Variants in EEA1 observed in about 807,000 individuals in gnomAD.
EEA1 encodes the protein early endosome antigen 1, also known as early endosome antigen 1, 162kD.
A neutral mutation model predicts 209.2 loss-of-function variants in EEA1; 111 were observed. The observed-to-expected ratio is 0.53, with a 90% confidence interval of 0.45 to 0.62. EEA1 has a LOEUF of 0.62. Among genes scored for constraint, EEA1 ranks in the 20% least tolerant of loss-of-function variants. The probability of loss-of-function intolerance (pLI) is 0.00; values close to 1 mark genes in which losing one functional copy is unlikely to be tolerated. For synonymous variants in EEA1, 536 were observed against 540.6 expected, an observed-to-expected ratio of 0.99 and a Z score of 0.12; for missense variants, 1,343 against 1,530.8, an observed-to-expected ratio of 0.88 and a Z score of 2.05.
chr12:92,831,913 G>A (rs1038325885), intron 11 of EEA1, among the ~76,000 whole-genome samples: 19 of 148,824 alleles, frequency 1.3e-4, no homozygotes, highest in Non-Finnish European at 3.0e-5. Flanking sequence ...GTGAAACCCC[G>A]TCTCTACTAA....
chr12:92,925,198 A>AC (rs1392594665), intron 1 of EEA1, among the ~76,000 whole-genome samples: 2 of 151,062 alleles, frequency 1.3e-5, no homozygotes, highest in Non-Finnish European at 3.0e-5. Context: ...AAAAAAAAAA[A>AC]CACTAATCAC....
chr12:92,829,509 T>G (rs971568843), intron 11 of EEA1, among the ~76,000 whole-genome samples: 3 of 152,206 alleles, frequency 2.0e-5, no homozygotes, highest in Middle Eastern at 3.4e-3. Flanking sequence ...CTGGGCGCGG[T>G]GGCTCATGCC....
intron 3 of EEA1, among the ~76,000 whole-genome samples, chr12:92,860,464 A>G (rs899173266): frequency 1.3e-5 from 2 of 152,140 alleles, no homozygotes; most frequent in Non-Finnish European, 2.9e-5. Context: ...AACATTTTCT[A>G]ATTGCTTATT....
chr12:92,804,983 C>T (rs1875125726), intron 18 of EEA1, among the ~76,000 whole-genome samples: 2 of 152,142 alleles, frequency 1.3e-5, no homozygotes, highest in South Asian at 4.1e-4. Context: ...GGTTTTCCTA[C>T]CCCAATAGGA....
chr12:92,928,969 G>A, intron 1 of EEA1, 74 bp downstream of exon 1: 1 of 1,498,234 alleles, frequency 6.7e-7, no homozygotes, highest in Non-Finnish European at 9.0e-7. Flanking sequence ...GCTGAGGAGG[G>A]GCGCCCGCGC....
intron 2 of EEA1, chr12:92,884,759 C>T (rs1255562201): frequency 5.3e-6 from 6 of 1,141,744 alleles, no homozygotes; most frequent in African/African-American, 1.5e-5. Flanking sequence ...AGGGAAGCTA[C>T]AGGTTACAAC....
rs371854406 is a variant in EEA1, at chr12:92,851,168, T to C, written c.741A>G (p.Glu247=). 6 of 1,613,826 alleles carry C rather than the reference T, an allele frequency of 3.7e-6. No homozygotes were observed. In the African/African-American group the frequency reaches 6.7e-5, roughly 18 times the overall value. ...TGCATTCATCTTTGAGTTTTTCAGA[T>C]TCTCGCTCACGTTCCAAGGTCATGT... ...MDNMTLERER[E]SEKLKDECKK... Residue 247 remains glutamate (E), a synonymous_variant, in exon 9 of 29, where the codon GAA becomes GAG. Transcript: ENST00000322349.
intron 21 of EEA1, among the ~76,000 whole-genome samples, chr12:92,789,861 T>A (rs1272111154): frequency 1.3e-5 from 2 of 152,184 alleles, no homozygotes; most frequent in Admixed American, 6.5e-5. Context: ...GGGAGACACC[T>A]CCCAATAGGG....
At chr12:92,785,136 C>G (rs1801357557) in intron 22 of EEA1, among the ~76,000 whole-genome samples, 1 of 151,704 alleles carries the variant, frequency 6.6e-6, no homozygotes. Flanking sequence ...AATCTATTAT[C>G]CTAGAATTTT....
At chr12:92,860,619 T>C (rs1380043689) in intron 3 of EEA1, among the ~76,000 whole-genome samples, 1 of 152,122 alleles carries the variant, frequency 6.6e-6, no homozygotes. Context: ...CAAGGTGTCC[T>C]ACAGAAAAAC....
chr12:92,773,872 A>T lies in EEA1; in HGVS notation c.*2139T>A, dbSNP rs1283871257. Reference sequence around the variant, plus strand: ...AATTACTCGGGACTTATGAAATGAAATTAGATAAAAATGAGAAAATCATTC... The same window carrying T: ...AATTACTCGGGACTTATGAAATGAATTTAGATAAAAATGAGAAAATCATTC... On this transcript the variant is annotated 3_prime_UTR_variant, in exon 29 of 29. Transcript: ENST00000322349. 2 of 151,626 alleles carry T rather than the reference A, an allele frequency of 1.3e-5. No individual in the cohort carries two copies. The highest frequency in any genetic ancestry group is 3.0e-5 in the Non-Finnish European group (2 of 67,646). 9.4% of individuals were successfully genotyped at this position (151,626 alleles called of 1,614,324 possible).
intron 1 of EEA1, among the ~76,000 whole-genome samples, chr12:92,925,197 A>G (rs563445254): frequency 1.3e-5 from 2 of 151,858 alleles, no homozygotes; most frequent in Admixed American, 1.3e-4. Context: ...AAAAAAAAAA[A>G]ACACTAATCA....
At chr12:92,815,563 T>C (rs1318468181) in intron 15 of EEA1, among the ~76,000 whole-genome samples, 2 of 152,216 alleles carry the variant, frequency 1.3e-5, no homozygotes, top group Non-Finnish European at 2.9e-5. Context: ...CCTTGAACTA[T>C]TTCTATAAAT....
Position 92,773,398 on chromosome 12 carries a change from G to A in EEA1, c.*2613C>T, listed in dbSNP as rs1873512301. On this transcript the variant is annotated 3_prime_UTR_variant, in exon 29 of 29. Coordinates refer to ENST00000322349, the MANE Select transcript of EEA1 (RefSeq NM_003566.4). ...TAAAGTAGATAATTCCACATTAAGAGGTAGTTGAACAAAATGTTATTTATA... is the reference window on the plus strand; with the variant it reads ...TAAAGTAGATAATTCCACATTAAGAAGTAGTTGAACAAAATGTTATTTATA... 1 of 152,012 alleles carries A rather than the reference G, an allele frequency of 6.6e-6. No individual in the cohort carries two copies. The highest frequency in any genetic ancestry group is 2.4e-5 in the African/African-American group (1 of 41,374). The allele number at this position is 152,012 out of a possible 1,614,324, so 9.4% of individuals were successfully genotyped here. A position where few individuals can be genotyped will look rare whatever the true frequency, so the allele number is the denominator to read the frequency against.
At chr12:92,831,983 A>T (rs1330969881) in intron 11 of EEA1, among the ~76,000 whole-genome samples, 9 of 150,302 alleles carry the variant, frequency 6.0e-5, no homozygotes, top group African/African-American at 2.2e-4. Flanking sequence ...GCTACTCGGG[A>T]GGCTGAGGCA....
rs562088849 is a variant in EEA1 at position 92,929,194 on chromosome 12, G to A, written c.-128C>T. 80 of 949,884 alleles carry A rather than the reference G, an allele frequency of 8.4e-5. 1 individual carries two copies. In the South Asian group the frequency reaches 1.1e-3, roughly 13 times the overall value. The allele number at this position is 949,884 out of a possible 1,614,324, so 58.8% of individuals were successfully genotyped here. ...ACCGGGAAGGAGGTCGGGGCGAGGCGGTGGCGACGGCCGCTCGGGCGGCCC... is the reference window on the plus strand; with the variant it reads ...ACCGGGAAGGAGGTCGGGGCGAGGCAGTGGCGACGGCCGCTCGGGCGGCCC... On this transcript the variant is annotated 5_prime_UTR_variant, in exon 1 of 29. Coordinates refer to ENST00000322349, the MANE Select transcript of EEA1 (RefSeq NM_003566.4).
At chr12:92,877,578 G>A (rs2136738448) in intron 2 of EEA1, among the ~76,000 whole-genome samples, 2 of 152,198 alleles carry the variant, frequency 1.3e-5, no homozygotes, top group Admixed American at 1.3e-4. Context: ...ACCCAGGCGG[G>A]AGTGCAGTGG....
At chr12:92,820,383 C>G (rs1875990733) in intron 13 of EEA1, among the ~76,000 whole-genome samples, 1 of 152,122 alleles carries the variant, frequency 6.6e-6, no homozygotes, top group East Asian at 1.9e-4. Flanking sequence ...TATTTGAGAT[C>G]AGTCACTTTC....
chr12:92,900,417 G>GTA (rs1390862751), intron 1 of EEA1, among the ~76,000 whole-genome samples: 3 of 149,060 alleles, frequency 2.0e-5, no homozygotes, highest in African/African-American at 7.4e-5. Flanking sequence ...TTTATCCAGA[G>GTA]TATGTCTTTA....
Sources: gnomAD v4.1 joint callset for allele counts (sites outside exome capture counted in the v4.1 genomes callset) on GRCh38, gnomAD v4.1.1 for gene constraint, MANE v1.5 for transcripts, NCBI Gene and HGNC (gene_info 2026-07-23, HGNC 2026-07-21) for gene names.